The following SAXO5 variants were observed in gnomAD, a reference collection of about 807,000 sequenced individuals.
SAXO5 encodes stabilizer of axonemal microtubules 5, also known as testis expressed 45.
At chr19:7,499,311 C>A in the SAXO5 span, among the ~76,000 whole-genome samples, 1 of 130,398 alleles carries the variant, frequency 7.7e-6, no homozygotes, top group Non-Finnish European at 1.5e-5. Context: ...GACTCTGTCA[C>A]AAAAAGAAAA....
At chr19:7,498,393 CTT>C in the SAXO5 span, among the ~76,000 whole-genome samples, 376 of 115,326 alleles carry the variant, frequency 3.3e-3, 3 homozygotes, top group South Asian at 0.011. Flanking sequence ...GTATTTTTTT[CTT>C]TTTTTTTTTT....
At chr19:7,505,402 C>G in the SAXO5 span, 5 of 1,614,116 alleles carry the variant, frequency 3.1e-6, no homozygotes, top group African/African-American at 1.3e-5. Context: ...GCGACAGGAC[C>G]ACCAAGGCCG....
chr19:7,507,940 C>T, the SAXO5 span, among the ~76,000 whole-genome samples: 3 of 152,196 alleles, frequency 2.0e-5, no homozygotes, highest in Admixed American at 6.5e-5. Flanking sequence ...ACCCCAACTC[C>T]GCCCCTGGAC....
chr19:7,506,045 C>G, the SAXO5 span: 1 of 1,613,866 alleles, frequency 6.2e-7, no homozygotes, highest in Non-Finnish European at 8.5e-7. Context: ...GGAGCCAAAG[C>G]TACTCAAACG....
chr19:7,502,724 G>A, the SAXO5 span, among the ~76,000 whole-genome samples: 2 of 152,120 alleles, frequency 1.3e-5, no homozygotes, highest in African/African-American at 2.4e-5. Flanking sequence ...AGCTGTGTGA[G>A]TCTGAGGGAG....
the SAXO5 span, chr19:7,506,026 G>A: frequency 1.9e-6 from 3 of 1,612,672 alleles, no homozygotes; most frequent in African/African-American, 2.7e-5. Context: ...AGAGTCATGT[G>A]ACCCTAGGGG....
chr19:7,506,120 C>T, the SAXO5 span: 1 of 1,612,708 alleles, frequency 6.2e-7, no homozygotes, highest in Non-Finnish European at 8.5e-7. Context: ...GCAGAAAGCG[C>T]CCAACCTCCA....
the SAXO5 span, chr19:7,506,003 C>T: frequency 6.2e-7 from 1 of 1,602,678 alleles, no homozygotes; most frequent in African/African-American, 1.3e-5. Context: ...CCACGTGCCT[C>T]ATGAGAAATT....
At chr19:7,499,955 T>TGTGTGTGTGTATGTGTGTGTGC in the SAXO5 span, 2 of 152,640 alleles carry the variant, frequency 1.3e-5, no homozygotes, top group Non-Finnish European at 2.9e-5. Flanking sequence ...TGTGTGTGTG[T>TGTGTGTGTGTATGTGTGTGTGC]GTGTGTGTGT....
At chr19:7,504,729 C>T in the SAXO5 span, among the ~76,000 whole-genome samples, 8 of 150,662 alleles carry the variant, frequency 5.3e-5, no homozygotes, top group African/African-American at 1.2e-4. Flanking sequence ...AAGTGGGGGA[C>T]GAGGGGGCAC....
At chr19:7,501,307 G>A in the SAXO5 span, 22 of 1,571,660 alleles carry the variant, frequency 1.4e-5, no homozygotes, top group African/African-American at 7.0e-5. Flanking sequence ...CCTGGCGACC[G>A]CGACAAGTTG....
At chr19:7,500,494 C>T in the SAXO5 span, among the ~76,000 whole-genome samples, 5 of 151,820 alleles carry the variant, frequency 3.3e-5, no homozygotes, top group African/African-American at 1.2e-4. Flanking sequence ...ATTTTTAGTA[C>T]AGACAGGGTT....
chr19:7,500,622 G>A, the SAXO5 span, among the ~76,000 whole-genome samples: 4 of 152,110 alleles, frequency 2.6e-5, no homozygotes, highest in African/African-American at 9.7e-5. Flanking sequence ...GATTATTTCT[G>A]TCTCTGCTCT....
the SAXO5 span, chr19:7,505,544 C>A: frequency 6.2e-7 from 1 of 1,614,218 alleles, no homozygotes; most frequent in Admixed American, 1.7e-5. Flanking sequence ...CACGATCAGA[C>A]TCCGGAGTCG....
chr19:7,506,913 C>G, the SAXO5 span: 1 of 645,944 alleles, frequency 1.5e-6, no homozygotes, highest in South Asian at 1.8e-5. Flanking sequence ...TCCCTCCCCC[C>G]TCTCCTAATC....
At chr19:7,506,455 C>T in the SAXO5 span, 1 of 485,616 alleles carries the variant, frequency 2.1e-6, no homozygotes, top group Non-Finnish European at 3.8e-6. Context: ...TGCCTCTCCC[C>T]TTCATAACTC....
chr19:7,505,898 T>TCCC, the SAXO5 span: 2 of 1,463,026 alleles, frequency 1.4e-6, no homozygotes, highest in Non-Finnish European at 1.9e-6. Flanking sequence ...GCCCACCTCC[T>TCCC]CCCTCCCCCC....
At chr19:7,501,153 G>T in the SAXO5 span, 1 of 1,511,404 alleles carries the variant, frequency 6.6e-7, no homozygotes, top group Non-Finnish European at 8.8e-7. Context: ...CATGCAGGCC[G>T]GCAACCTGCA....
At chr19:7,508,419 A>G in the SAXO5 span, 11 of 1,609,020 alleles carry the variant, frequency 6.8e-6, no homozygotes, top group East Asian at 2.5e-4. Flanking sequence ...CCTGTGCCCC[A>G]GCCAGCAATA....
Sources: gnomAD v4.1 joint callset for allele counts (sites outside exome capture counted in the v4.1 genomes callset) on GRCh38, gnomAD v4.1.1 for gene constraint, MANE v1.5 for transcripts, NCBI Gene and HGNC (gene_info 2026-07-23, HGNC 2026-07-21) for gene names.